ZNF804A: variants seen among roughly 807,000 people sequenced by gnomAD.
ZNF804A encodes the protein zinc finger protein 804A.
A neutral mutation model predicts 16.5 loss-of-function variants in ZNF804A; 2 were observed. That is an observed-to-expected ratio of 0.12 (90% confidence interval 0.05 to 0.38). The LOEUF (loss-of-function observed/expected upper bound fraction) is 0.38, where lower values mean the gene tolerates loss of function less well. ZNF804A is among the 10% of genes least tolerant of loss of function. The pLI is 0.99. For synonymous variants in ZNF804A, 534 were observed against 489.6 expected, an observed-to-expected ratio of 1.09 and a Z score of -1.20; for missense variants, 1,473 against 1,390.7, an observed-to-expected ratio of 1.06 and a Z score of -0.94.
intron 1 of ZNF804A, among the ~76,000 whole-genome samples, chr2:184,644,214 AT>A (rs984465927): frequency 7.1e-6 from 1 of 141,350 alleles, no homozygotes; most frequent in African/African-American, 2.7e-5. Context: ...AGATATGAAG[AT>A]TGCAATACAG....
intron 2 of ZNF804A, among the ~76,000 whole-genome samples, chr2:184,887,930 A>G (rs967802070): frequency 3.3e-5 from 5 of 152,154 alleles, no homozygotes; most frequent in Non-Finnish European, 7.4e-5. Context: ...TTGAGTATAT[A>G]TGGACACAAA....
chr2:184,668,212 A>T (rs1482119933), intron 1 of ZNF804A, among the ~76,000 whole-genome samples: 1 of 151,862 alleles, frequency 6.6e-6, no homozygotes, highest in African/African-American at 2.4e-5. Flanking sequence ...TGATGTTTTG[A>T]TCTATGTGTT....
intron 1 of ZNF804A, among the ~76,000 whole-genome samples, chr2:184,842,075 C>G (rs997281818): frequency 6.6e-6 from 1 of 152,130 alleles, no homozygotes; most frequent in African/African-American, 2.4e-5. Flanking sequence ...CTCATTGTAT[C>G]TTCTCCATCC....
chr2:184,805,440 T>G (rs1376885297), intron 1 of ZNF804A, among the ~76,000 whole-genome samples: 1 of 152,072 alleles, frequency 6.6e-6, no homozygotes, highest in African/African-American at 2.4e-5. Context: ...GCTTGTTAAA[T>G]GAATGTTACT....
At chr2:184,734,827 C>T (rs1693582654) in intron 1 of ZNF804A, among the ~76,000 whole-genome samples, 1 of 152,054 alleles carries the variant, frequency 6.6e-6, no homozygotes, top group South Asian at 2.1e-4. Flanking sequence ...GTTTTTTCCT[C>T]GTATAACATG....
At chr2:184,844,657 G>A (rs990267621) in intron 1 of ZNF804A, among the ~76,000 whole-genome samples, 2 of 149,644 alleles carry the variant, frequency 1.3e-5, no homozygotes, top group Non-Finnish European at 3.0e-5. Context: ...TGGGTTTTCT[G>A]CTGTTTGATT....
At chr2:184,886,377 GT>G (rs2105820084) in intron 2 of ZNF804A, among the ~76,000 whole-genome samples, 1 of 152,338 alleles carries the variant, frequency 6.6e-6, no homozygotes, top group South Asian at 2.1e-4. Context: ...TGGCATTGGA[GT>G]GTCTGTGGCT....
At chr2:184,931,442 A>T (rs1685700544) in intron 2 of ZNF804A, among the ~76,000 whole-genome samples, 2 of 152,238 alleles carry the variant, frequency 1.3e-5, no homozygotes, top group Non-Finnish European at 2.9e-5. Flanking sequence ...CAGGCTCAAC[A>T]CCATGTGTAA....
intron 1 of ZNF804A, among the ~76,000 whole-genome samples, chr2:184,822,554 C>T (rs539487647): frequency 3.3e-5 from 5 of 152,196 alleles, no homozygotes; most frequent in Non-Finnish European, 5.9e-5. Context: ...AGGAGACATA[C>T]ATGAGATTGA....
At chr2:184,694,394 G>T (rs1028260422) in intron 1 of ZNF804A, among the ~76,000 whole-genome samples, 3 of 151,928 alleles carry the variant, frequency 2.0e-5, no homozygotes, top group Admixed American at 2.0e-4. Flanking sequence ...TTAGGAGCTT[G>T]GTTTTTACCA....
At chr2:184,618,323 T>C (rs1691359965) in intron 1 of ZNF804A, among the ~76,000 whole-genome samples, 1 of 152,188 alleles carries the variant, frequency 6.6e-6, no homozygotes, top group Non-Finnish European at 1.5e-5. Context: ...CAAAAAAGTT[T>C]TCAGCAAAGA....
At chr2:184,884,494 G>A (rs1684856548) in intron 2 of ZNF804A, among the ~76,000 whole-genome samples, 1 of 151,178 alleles carries the variant, frequency 6.6e-6, no homozygotes, top group Non-Finnish European at 1.5e-5. Flanking sequence ...AATAGCCAAG[G>A]CAACCCTACT....
At chr2:184,730,801 A>G (rs1431374857) in intron 1 of ZNF804A, among the ~76,000 whole-genome samples, 11 of 149,854 alleles carry the variant, frequency 7.3e-5, no homozygotes, top group Non-Finnish European at 1.6e-4. Flanking sequence ...GTTGCTTCCA[A>G]GTTTTGGCAA....
intron 1 of ZNF804A, among the ~76,000 whole-genome samples, chr2:184,831,162 C>G (rs1403690524): frequency 2.0e-5 from 3 of 152,114 alleles, no homozygotes. Flanking sequence ...TACAGCACCA[C>G]TTATTTATAC....
rs565973996 is a variant in ZNF804A, at chr2:184,852,675, G to A, written c.112-13694G>A. On this transcript the variant is annotated intron_variant, in intron 1 of 3. Coordinates refer to ENST00000302277, the MANE Select transcript of ZNF804A (RefSeq NM_194250.2). ...ATTTTATTCTGCATGTGGATATTTA[G>A]TTGTCCCAATATCATTTATTGAACA... Among the ~76,000 whole-genome samples, 146 of 151,618 alleles carry A rather than the reference G, an allele frequency of 9.6e-4. 3 individuals are homozygous for A. The highest frequency in any genetic ancestry group is 8.3e-3 in the South Asian group (40 of 4,802).
At chr2:184,792,552 A>C (rs1463601302) in intron 1 of ZNF804A, among the ~76,000 whole-genome samples, 1 of 152,000 alleles carries the variant, frequency 6.6e-6, no homozygotes, top group Non-Finnish European at 1.5e-5. Flanking sequence ...GTATATCTTG[A>C]ATATATTCTC....
chr2:184,623,827 A>C (rs1440754210), intron 1 of ZNF804A, among the ~76,000 whole-genome samples: 1 of 152,148 alleles, frequency 6.6e-6, no homozygotes, highest in African/African-American at 2.4e-5. Context: ...CAAAACTATT[A>C]ATGAAGTTCG....
At chr2:184,704,789 G>A (rs925486950) in intron 1 of ZNF804A, among the ~76,000 whole-genome samples, 2 of 152,154 alleles carry the variant, frequency 1.3e-5, no homozygotes, top group Admixed American at 6.5e-5. Flanking sequence ...GAGGGACAAT[G>A]CATTGACACT....
At chr2:184,916,135 C>T (rs1041409996) in intron 2 of ZNF804A, among the ~76,000 whole-genome samples, 1 of 151,994 alleles carries the variant, frequency 6.6e-6, no homozygotes, top group African/African-American at 2.4e-5. Context: ...TTAGGTTTTT[C>T]AAAAGCTTGC....
Sources: gnomAD v4.1 joint callset for allele counts (sites outside exome capture counted in the v4.1 genomes callset) on GRCh38, gnomAD v4.1.1 for gene constraint, MANE v1.5 for transcripts, NCBI Gene and HGNC (gene_info 2026-07-23, HGNC 2026-07-21) for gene names.